PPARGC1A: variants seen among roughly 807,000 people sequenced by gnomAD.
The protein encoded by PPARGC1A is peroxisome proliferator-activated receptor gamma coactivator 1-alpha.
A neutral mutation model predicts 88.7 loss-of-function variants in PPARGC1A; 25 were observed. The ratio of observed to expected loss-of-function variants is 0.28; its 90% CI spans 0.21 to 0.39. The LOEUF (loss-of-function observed/expected upper bound fraction) is 0.39, where lower values mean the gene tolerates loss of function less well. Among genes scored for constraint, PPARGC1A ranks in the 10% least tolerant of loss-of-function variants. The pLI is 1.00. For synonymous variants in PPARGC1A, 363 were observed against 355.6 expected (o/e 1.02, Z -0.24); for missense variants, 880 against 968.7 (o/e 0.91, Z 1.22).
chr4:24,358,607 C>G, the PPARGC1A span, among the ~76,000 whole-genome samples: 1 of 152,242 alleles, frequency 6.6e-6, no homozygotes, highest in Non-Finnish European at 1.5e-5. Context: ...TCTCTTTCCC[C>G]TTGATAAAAC....
At chr4:24,375,966 G>A in the PPARGC1A span, among the ~76,000 whole-genome samples, 1 of 151,918 alleles carries the variant, frequency 6.6e-6, no homozygotes, top group Admixed American at 6.6e-5. Flanking sequence ...GTGATATTGT[G>A]GGTAACATTG....
the PPARGC1A span, among the ~76,000 whole-genome samples, chr4:24,382,269 C>T: frequency 2.0e-5 from 3 of 152,104 alleles, no homozygotes; most frequent in Non-Finnish European, 2.9e-5. Context: ...ACTTTGACTG[C>T]AATCATTTAA....
the PPARGC1A span, among the ~76,000 whole-genome samples, chr4:24,152,271 C>T: frequency 3.3e-5 from 5 of 152,150 alleles, no homozygotes; most frequent in Non-Finnish European, 7.4e-5. Flanking sequence ...GCTTTCAGGG[C>T]AAGCTATTTT....
the PPARGC1A span, among the ~76,000 whole-genome samples, chr4:23,981,068 A>T: frequency 2.0e-5 from 3 of 151,684 alleles, no homozygotes; most frequent in East Asian, 2.0e-4. Context: ...TACATCTCAA[A>T]TGTTCTGCTT....
At chr4:24,037,308 T>C in the PPARGC1A span, among the ~76,000 whole-genome samples, 2 of 152,242 alleles carry the variant, frequency 1.3e-5, no homozygotes, top group African/African-American at 4.8e-5. Flanking sequence ...ACTATTACTA[T>C]TATTAGATTC....
At chr4:24,317,038 G>A in the PPARGC1A span, among the ~76,000 whole-genome samples, 1 of 152,028 alleles carries the variant, frequency 6.6e-6, no homozygotes, top group Non-Finnish European at 1.5e-5. Flanking sequence ...GAATTTTATG[G>A]CTTAATCCTC....
chr4:24,089,287 C>T, the PPARGC1A span, among the ~76,000 whole-genome samples: 1 of 152,068 alleles, frequency 6.6e-6, no homozygotes, highest in Non-Finnish European at 1.5e-5. Context: ...GCCTTGGTGT[C>T]AACTGAAGTA....
chr4:24,031,513 T>C, the PPARGC1A span, among the ~76,000 whole-genome samples: 1 of 152,202 alleles, frequency 6.6e-6, no homozygotes, highest in African/African-American at 2.4e-5. Flanking sequence ...TGAGCATCAA[T>C]ACATGGGCAA....
the PPARGC1A span, among the ~76,000 whole-genome samples, chr4:23,921,417 C>T: frequency 6.6e-6 from 1 of 152,218 alleles, no homozygotes; most frequent in Non-Finnish European, 1.5e-5. Context: ...TATGTTTCTT[C>T]CAGCGTCTCC....
chr4:24,225,571 A>T, the PPARGC1A span, among the ~76,000 whole-genome samples: 4 of 152,058 alleles, frequency 2.6e-5, no homozygotes, highest in Admixed American at 2.0e-4. Flanking sequence ...AACAAAATAA[A>T]AAAAAAAAAG....
chr4:24,432,027 G>T, the PPARGC1A span, among the ~76,000 whole-genome samples: 1 of 152,272 alleles, frequency 6.6e-6, no homozygotes, highest in African/African-American at 2.4e-5. Context: ...GGGAAAATGG[G>T]GGTGAGGTCA....
At chr4:24,153,937 T>C in the PPARGC1A span, among the ~76,000 whole-genome samples, 6 of 151,758 alleles carry the variant, frequency 4.0e-5, no homozygotes, top group East Asian at 1.2e-3. Flanking sequence ...AGAGAAAATA[T>C]GAGAAAGGGA....
chr4:24,369,220 A>G, the PPARGC1A span, among the ~76,000 whole-genome samples: 2 of 152,198 alleles, frequency 1.3e-5, no homozygotes, highest in Non-Finnish European at 2.9e-5. Context: ...CAGTGTTTTA[A>G]TTGAACACGT....
chr4:23,952,905 T>C, the PPARGC1A span, among the ~76,000 whole-genome samples: 4 of 152,162 alleles, frequency 2.6e-5, no homozygotes, highest in African/African-American at 4.8e-5. Flanking sequence ...ACAATCTGCA[T>C]AGATTCTATG....
At chr4:24,447,881 C>T in the PPARGC1A span, among the ~76,000 whole-genome samples, 1 of 152,306 alleles carries the variant, frequency 6.6e-6, no homozygotes, top group South Asian at 2.1e-4. Context: ...TCACCAAGCC[C>T]TTCAAGCCAG....
chr4:24,323,232 C>T, the PPARGC1A span, among the ~76,000 whole-genome samples: 1 of 152,330 alleles, frequency 6.6e-6, no homozygotes, highest in South Asian at 2.1e-4. Flanking sequence ...AGTCATTTAT[C>T]TGTCCAAGCA....
chr4:24,128,115 G>C, the PPARGC1A span, among the ~76,000 whole-genome samples: 1 of 152,120 alleles, frequency 6.6e-6, no homozygotes, highest in African/African-American at 2.4e-5. Flanking sequence ...AGAGGACGAA[G>C]GTCCAGGGCT....
chr4:23,883,869 T>C (rs1716413920), intron 2 of PPARGC1A: 1 of 152,180 alleles, frequency 6.6e-6, no homozygotes, highest in Non-Finnish European at 1.5e-5. Context: ...AGAAATGTCT[T>C]TGCTGATGAA....
the PPARGC1A span, among the ~76,000 whole-genome samples, chr4:24,133,285 C>T: frequency 1.1e-4 from 16 of 152,252 alleles, no homozygotes; most frequent in South Asian, 2.3e-3. Context: ...CACCTGAGAG[C>T]TCAAAACCAA....
Sources: gnomAD v4.1 joint callset for allele counts (sites outside exome capture counted in the v4.1 genomes callset) on GRCh38, gnomAD v4.1.1 for gene constraint, MANE v1.5 for transcripts, NCBI Gene and HGNC (gene_info 2026-07-23, HGNC 2026-07-21) for gene names.